Variants in UTS2 observed in about 807,000 individuals in gnomAD.
UTS2 encodes urotensin-2.
In UTS2, 10 loss-of-function variants were observed where a neutral mutation model predicts 12.6. The ratio of observed to expected loss-of-function variants is 0.80; its 90% CI spans 0.49 to 1.35. The LOEUF (loss-of-function observed/expected upper bound fraction) is 1.35. Ranked by LOEUF, UTS2 falls within the 40% of genes most tolerant of loss-of-function variation. The pLI, the probability that UTS2 is intolerant of heterozygous loss-of-function variation, is 0.00. For missense variants in UTS2, 142 were observed against 143.2 expected, an observed-to-expected ratio of 0.99 and a Z score of 0.04; for synonymous variants, 52 against 50.0, an observed-to-expected ratio of 1.04 and a Z score of -0.17.
At chr1:7,900,781 CA>C in the UTS2 span, among the ~76,000 whole-genome samples, 56,569 of 148,172 alleles carry the variant, frequency 0.38, 11,804 homozygotes, top group East Asian at 0.67. Context: ...ATTCCATCTC[CA>C]AAAAAAAAAA....
the UTS2 span, among the ~76,000 whole-genome samples, chr1:7,894,907 G>A: frequency 6.6e-6 from 1 of 152,150 alleles, no homozygotes; most frequent in South Asian, 2.1e-4. Context: ...TTCCAGCCTG[G>A]GCGAGAGAGC....
chr1:7,857,143 G>GGAAGGAAGGAAGGAAGGAAGGAAC (rs766960072), upstream of UTS2, among the ~76,000 whole-genome samples: 54 of 151,626 alleles, frequency 3.6e-4, no homozygotes, highest in Non-Finnish European at 5.0e-4. Flanking sequence ...AAGGAAGGAA[G>GGAAGGAAGGAAGGAAGGAAGGAAC]GTGAAGCATG....
At chr1:7,899,463 T>A in the UTS2 span, among the ~76,000 whole-genome samples, 1 of 152,180 alleles carries the variant, frequency 6.6e-6, no homozygotes, top group Non-Finnish European at 1.5e-5. Flanking sequence ...TGTTTACTAA[T>A]TTTTTTCTTT....
the UTS2 span, among the ~76,000 whole-genome samples, chr1:7,891,536 AAAAGAAAGAAAG>A: frequency 0.018 from 2,024 of 109,892 alleles, 25 homozygotes; most frequent in Middle Eastern, 0.044. Context: ...AGAAAGAAAG[AAAAGAAAGAAAG>A]AAAGAAAGAA....
At chr1:7,886,046 T>TACCAGGTGTAAGGTATCCCAGGTA in the UTS2 span, among the ~76,000 whole-genome samples, 2 of 151,490 alleles carry the variant, frequency 1.3e-5, no homozygotes, top group Non-Finnish European at 3.0e-5. Flanking sequence ...CCGCACCTGT[T>TACCAGGTGTAAGGTATCCCAGGTA]CCCAGGTGTA....
the UTS2 span, among the ~76,000 whole-genome samples, chr1:7,872,009 T>C: frequency 4.6e-5 from 7 of 152,000 alleles, no homozygotes; most frequent in Non-Finnish European, 1.5e-5. Flanking sequence ...AAGTTAGAAA[T>C]GATTAAGTTT....
the UTS2 span, among the ~76,000 whole-genome samples, chr1:7,866,874 G>GT: frequency 6.6e-6 from 1 of 152,062 alleles, no homozygotes; most frequent in East Asian, 1.9e-4. This position sits in a 1 kb window ranked among gnomAD's most constrained non-coding sequence, Gnocchi z 4.5. Context: ...TTTTGTTTTT[G>GT]CCTTTGTTTT....
At chr1:7,854,758 C>CA (rs1161059359), upstream of UTS2, among the ~76,000 whole-genome samples, 21 of 152,010 alleles carry the variant, frequency 1.4e-4, no homozygotes, top group Non-Finnish European at 1.5e-4. Context: ...GTTCTCATCA[C>CA]AAAAAAATGC....
the UTS2 span, among the ~76,000 whole-genome samples, chr1:7,863,740 T>G: frequency 6.6e-6 from 1 of 152,252 alleles, no homozygotes; most frequent in Non-Finnish European, 1.5e-5. Context: ...TAACGTCTAG[T>G]TATCCATGGC....
chr1:7,895,017 T>G, the UTS2 span, among the ~76,000 whole-genome samples: 2 of 152,106 alleles, frequency 1.3e-5, no homozygotes, highest in South Asian at 4.1e-4. Context: ...ATGTTTAATT[T>G]GTATCTTCTT....
chr1:7,898,426 G>C, the UTS2 span, among the ~76,000 whole-genome samples: 1 of 152,044 alleles, frequency 6.6e-6, no homozygotes, highest in Non-Finnish European at 1.5e-5. Flanking sequence ...GAGAGAAGGG[G>C]TGCTCTGACC....
chr1:7,912,401 A>G, the UTS2 span, among the ~76,000 whole-genome samples: 6 of 152,176 alleles, frequency 3.9e-5, no homozygotes, highest in Non-Finnish European at 8.8e-5. Flanking sequence ...ATTTGCATAA[A>G]CAGACCTGAT....
the UTS2 span, among the ~76,000 whole-genome samples, chr1:7,866,809 C>T: frequency 2.0e-5 from 3 of 152,152 alleles, no homozygotes; most frequent in African/African-American, 7.2e-5. The surrounding 1 kb of genome is among the most constrained non-coding windows in gnomAD (Gnocchi z 4.5). Context: ...CAGGGCTGAC[C>T]ATGGTACCGG....
upstream of UTS2, chr1:7,853,090 T>C: frequency 6.6e-7 from 1 of 1,524,940 alleles, no homozygotes. Flanking sequence ...TCACTGATTA[T>C]ATATATCATC....
the UTS2 span, among the ~76,000 whole-genome samples, chr1:7,882,160 C>T: frequency 1.4e-5 from 2 of 138,406 alleles, no homozygotes; most frequent in Admixed American, 7.4e-5. Context: ...CAAAGGGAGA[C>T]GCCATCTCTA....
chr1:7,908,854 T>C, the UTS2 span, among the ~76,000 whole-genome samples: 4 of 151,490 alleles, frequency 2.6e-5, no homozygotes, highest in African/African-American at 9.7e-5. Context: ...TTGCCCAGGC[T>C]GGAGTGCAGT....
At chr1:7,907,715 T>C in the UTS2 span, among the ~76,000 whole-genome samples, 3 of 152,010 alleles carry the variant, frequency 2.0e-5, no homozygotes, top group South Asian at 6.2e-4. Flanking sequence ...GAGCATTATG[T>C]CAGAGATTTT....
At chr1:7,873,120 C>A in the UTS2 span, among the ~76,000 whole-genome samples, 2 of 152,170 alleles carry the variant, frequency 1.3e-5, no homozygotes, top group African/African-American at 4.8e-5. Context: ...TATTTTAAGC[C>A]CACATTTGTG....
At chr1:7,866,184 G>A in the UTS2 span, among the ~76,000 whole-genome samples, 23 of 152,134 alleles carry the variant, frequency 1.5e-4, no homozygotes, top group Admixed American at 3.3e-4. The surrounding 1 kb of genome is among the most constrained non-coding windows in gnomAD (Gnocchi z 4.5). Flanking sequence ...CTGTGGCCCG[G>A]GGTCGCTCGT....
Sources: gnomAD v4.1 joint callset for allele counts (sites outside exome capture counted in the v4.1 genomes callset) on GRCh38, gnomAD v4.1.1 for gene constraint, Gnocchi (gnomAD v3.1) non-coding constraint, MANE v1.5 for transcripts, NCBI Gene and HGNC (gene_info 2026-07-23, HGNC 2026-07-21) for gene names.